The following PRKCE variants were observed in gnomAD, a reference collection of about 807,000 sequenced individuals.
The protein encoded by PRKCE is protein kinase C epsilon, also known as protein kinase C epsilon type.
A neutral mutation model predicts 85.4 loss-of-function variants in PRKCE; 16 were observed. The ratio of observed to expected loss-of-function variants is 0.19; its 90% CI spans 0.13 to 0.28. The LOEUF (loss-of-function observed/expected upper bound fraction) is 0.28. Ranked by LOEUF, PRKCE falls within the 10% of genes least tolerant of loss-of-function variation. The pLI is 1.00. For synonymous variants in PRKCE, 388 were observed against 371.5 expected (o/e 1.04, Z -0.51); for missense variants, 573 against 975.2 (o/e 0.59, Z 5.49).
chr2:45,769,756 G>T (rs1456839268), intron 1 of PRKCE, among the ~76,000 whole-genome samples: 1 of 152,116 alleles, frequency 6.6e-6, no homozygotes, highest in African/African-American at 2.4e-5. Context: ...TCATACTTAG[G>T]GTACAAATCA....
At chr2:46,008,494 G>A (rs1705393573) in intron 9 of PRKCE, among the ~76,000 whole-genome samples, 1 of 152,142 alleles carries the variant, frequency 6.6e-6, no homozygotes. Context: ...TCACCTTTCT[G>A]GGACCCCCTG....
intron 1 of PRKCE, among the ~76,000 whole-genome samples, chr2:45,666,878 T>G (rs1475604385): frequency 6.6e-6 from 1 of 152,200 alleles, no homozygotes. Context: ...TCTTCCTCTG[T>G]CACCCAGGCT....
Position 46,150,837 on chromosome 2 carries a change from T to C in PRKCE, c.1732-204T>C, listed in dbSNP as rs189043829. Reference sequence around the variant, plus strand: ...GGAAGACAGACTGTCGATGTTGACTTTGGAAAGATGATAGCTGGCCCCCAG... The same window carrying C: ...GGAAGACAGACTGTCGATGTTGACTCTGGAAAGATGATAGCTGGCCCCCAG... On this transcript the variant is annotated intron_variant, in intron 12 of 14. Transcript: ENST00000306156. Among the ~76,000 whole-genome samples, 12 of 152,316 alleles carry C rather than the reference T, an allele frequency of 7.9e-5. No individual in the cohort carries two copies. The East Asian group carries it at 2.1e-3, about 27-fold the overall frequency.
intron 2 of PRKCE, chr2:45,851,967 C>T (rs1402290926): frequency 6.6e-6 from 1 of 152,218 alleles, no homozygotes; most frequent in Non-Finnish European, 1.5e-5. Flanking sequence ...GAGGCAAGAC[C>T]CCCTCAGAGC....
At chr2:45,976,162 C>T (rs760570000) in intron 2 of PRKCE, among the ~76,000 whole-genome samples, 13 of 152,310 alleles carry the variant, frequency 8.5e-5, no homozygotes, top group African/African-American at 3.1e-4. Context: ...AAAGGGCAGC[C>T]AGCCCTGGAG....
chr2:45,941,733 G>A (rs1393459152), intron 2 of PRKCE, among the ~76,000 whole-genome samples: 3 of 152,162 alleles, frequency 2.0e-5, no homozygotes, highest in African/African-American at 4.8e-5. Context: ...CACTGGAAGA[G>A]CCTGGGAGGG....
chr2:45,945,748 G>C (rs1212605814), intron 2 of PRKCE, among the ~76,000 whole-genome samples: 2 of 152,240 alleles, frequency 1.3e-5, no homozygotes, highest in African/African-American at 4.8e-5. Flanking sequence ...TGCTCCACTG[G>C]TGGGGGGCCA....
In PRKCE at chr2:45,724,981, A is replaced by G. The variant is rs575874355; in HGVS notation, c.348+72533A>G. 2.6e-5 allele frequency among the ~76,000 whole-genome samples: 4 copies of G among 152,360 alleles called. 1 individual carries two copies. Among genetic ancestry groups the G allele is most frequent in the Non-Finnish European group, 1.5e-5 (1 of 68,030 alleles). ...CCGCTGATGAAGGTGGCTACAATAA[A>G]CAACAGATTTTCAATGTAGATTAGA... On this transcript the variant is annotated intron_variant, in intron 1 of 14. Coordinates refer to ENST00000306156, the MANE Select transcript of PRKCE (RefSeq NM_005400.3).
In PRKCE at chr2:45,922,101, G is replaced by C. The variant is rs1001166190; in HGVS notation, c.413-54328G>C. On this transcript the variant is annotated intron_variant, in intron 2 of 14. Transcript: ENST00000306156. ...TTTTCTTAAGGGCATCACTTGGTGTGAATGTGGTTCCTAATGAGCTGATAC... is the reference window on the plus strand; with the variant it reads ...TTTTCTTAAGGGCATCACTTGGTGTCAATGTGGTTCCTAATGAGCTGATAC... Among the ~76,000 whole-genome samples the C allele has an allele frequency of 8.5e-5, 13 of 152,302 alleles. No individual in the cohort carries two copies. In the South Asian group the frequency reaches 2.5e-3, roughly 29 times the overall value.
chr2:45,885,858 A>G (rs1695259261), intron 2 of PRKCE, among the ~76,000 whole-genome samples: 1 of 152,256 alleles, frequency 6.6e-6, no homozygotes, highest in African/African-American at 2.4e-5. Context: ...ATAATTTAAA[A>G]AGCAAAATCT....
chr2:45,918,763 G>T (rs900375978), intron 2 of PRKCE, among the ~76,000 whole-genome samples: 2 of 152,190 alleles, frequency 1.3e-5, no homozygotes, highest in Admixed American at 1.3e-4. Flanking sequence ...CAGGGCTGAG[G>T]TTGGCGAGGG....
chr2:46,074,184 T>G (rs556772738), intron 10 of PRKCE, among the ~76,000 whole-genome samples: 4 of 152,132 alleles, frequency 2.6e-5, no homozygotes, highest in African/African-American at 9.6e-5. Context: ...TTGCATATTC[T>G]TAGGAAAGAA....
chr2:45,970,025 C>T (rs1237020381), intron 2 of PRKCE, among the ~76,000 whole-genome samples: 1 of 152,112 alleles, frequency 6.6e-6, no homozygotes, highest in African/African-American at 2.4e-5. Flanking sequence ...AAGGATATAG[C>T]TTTTAGTTTG....
chr2:46,030,960 C>T (rs1707474988), intron 10 of PRKCE, among the ~76,000 whole-genome samples: 1 of 152,200 alleles, frequency 6.6e-6, no homozygotes, highest in South Asian at 2.1e-4. Context: ...CTGTATACAT[C>T]ATTTGTTACC....
intron 1 of PRKCE, among the ~76,000 whole-genome samples, chr2:45,819,413 A>C (rs568651442): frequency 7.6e-4 from 115 of 152,140 alleles, no homozygotes; most frequent in Non-Finnish European, 1.2e-3. Context: ...CAGGGAGAAC[A>C]CCACGTTTAT....
chr2:46,020,143 C>T (rs1706524745), intron 10 of PRKCE, among the ~76,000 whole-genome samples: 1 of 152,084 alleles, frequency 6.6e-6, no homozygotes, highest in Non-Finnish European at 1.5e-5. Flanking sequence ...AGCCACTGTG[C>T]CCGGCCAAGC....
intron 11 of PRKCE, among the ~76,000 whole-genome samples, chr2:46,095,887 T>C (rs184446398): frequency 2.0e-5 from 3 of 152,186 alleles, no homozygotes; most frequent in Non-Finnish European, 2.9e-5. Context: ...TATTTAGCCT[T>C]TGTGTAGCCA....
intron 1 of PRKCE, among the ~76,000 whole-genome samples, chr2:45,715,951 G>A (rs540031874): frequency 7.2e-5 from 11 of 152,224 alleles, no homozygotes; most frequent in African/African-American, 2.6e-4. Flanking sequence ...CTCCTGGATG[G>A]AGGCCTAAAA....
At chr2:45,727,795 C>T (rs1289559254) in intron 1 of PRKCE, among the ~76,000 whole-genome samples, 1 of 152,170 alleles carries the variant, frequency 6.6e-6, no homozygotes, top group African/African-American at 2.4e-5. Context: ...GCTGGGATTA[C>T]AGGTGCCCGC....
Sources: gnomAD v4.1 joint callset for allele counts (sites outside exome capture counted in the v4.1 genomes callset) on GRCh38, gnomAD v4.1.1 for gene constraint, MANE v1.5 for transcripts, NCBI Gene and HGNC (gene_info 2026-07-23, HGNC 2026-07-21) for gene names.